EYA4: variants seen among roughly 807,000 people sequenced by gnomAD.
The protein encoded by EYA4 is EYA transcriptional coactivator and phosphatase 4, also known as protein phosphatase EYA4.
A neutral mutation model predicts 87.9 loss-of-function variants in EYA4; 31 were observed. That is an observed-to-expected ratio of 0.35 (90% CI 0.27 to 0.48). The LOEUF (loss-of-function observed/expected upper bound fraction) is 0.48, where lower values mean the gene tolerates loss of function less well. Ranked by LOEUF, EYA4 falls within the 20% of genes least tolerant of loss-of-function variation. The pLI is 0.99. For synonymous variants in EYA4, 263 were observed against 270.6 expected, an observed-to-expected ratio of 0.97 and a Z score of 0.28; for missense variants, 678 against 761.4, an observed-to-expected ratio of 0.89 and a Z score of 1.29.
intron 1 of EYA4, among the ~76,000 whole-genome samples, chr6:133,268,180 G>T (rs937602194): frequency 6.6e-6 from 1 of 151,998 alleles, no homozygotes; most frequent in Non-Finnish European, 1.5e-5. Flanking sequence ...ATCATTTAGT[G>T]GGCATTTAAA....
chr6:133,289,514 T>C (rs1161733114), intron 2 of EYA4, among the ~76,000 whole-genome samples: 1 of 152,190 alleles, frequency 6.6e-6, no homozygotes, highest in Non-Finnish European at 1.5e-5. Context: ...CATTGAAAAT[T>C]TATTTTATTT....
intron 3 of EYA4, among the ~76,000 whole-genome samples, chr6:133,445,289 T>C (rs922806139): frequency 2.0e-5 from 3 of 152,208 alleles, no homozygotes; most frequent in Non-Finnish European, 4.4e-5. Context: ...TTATTTTTGC[T>C]TCAATAGGCT....
chr6:133,413,987 A>G (rs1261025807), intron 3 of EYA4, among the ~76,000 whole-genome samples: 1 of 152,120 alleles, frequency 6.6e-6, no homozygotes, highest in Admixed American at 6.5e-5. Flanking sequence ...TCCCTAGAAA[A>G]ATGTGTCTTC....
At chr6:133,377,347 A>G (rs1785778474) in intron 2 of EYA4, among the ~76,000 whole-genome samples, 2 of 151,948 alleles carry the variant, frequency 1.3e-5, no homozygotes, top group Admixed American at 1.3e-4. Flanking sequence ...TGCTTTTTAC[A>G]CTAACAGCAC....
chr6:133,264,612 G>T (rs773712667), intron 1 of EYA4, among the ~76,000 whole-genome samples: 2 of 152,328 alleles, frequency 1.3e-5, no homozygotes, highest in Non-Finnish European at 2.9e-5. Flanking sequence ...GAGCAAATGG[G>T]CAGGGAGTCA....
At chr6:133,345,386 G>A (rs1783116169) in intron 2 of EYA4, among the ~76,000 whole-genome samples, 1 of 152,108 alleles carries the variant, frequency 6.6e-6, no homozygotes, top group Non-Finnish European at 1.5e-5. Flanking sequence ...AGTATGCGTA[G>A]TAAGTATGAT....
chr6:133,507,013 GTTTAAA>G (rs3836969), intron 14 of EYA4, among the ~76,000 whole-genome samples: 18,050 of 151,950 alleles, frequency 0.12, 1,287 homozygotes, highest in Middle Eastern at 0.17. Flanking sequence ...CAGATGGCAT[GTTTAAA>G]TTTATTTTTT....
intron 1 of EYA4, among the ~76,000 whole-genome samples, chr6:133,256,689 C>A (rs1436739351): frequency 6.6e-6 from 1 of 152,020 alleles, no homozygotes; most frequent in Non-Finnish European, 1.5e-5. Flanking sequence ...GTTAATGCAT[C>A]AAAATCCAGA....
At chr6:133,498,062 A>G (rs1262010238) in intron 13 of EYA4, among the ~76,000 whole-genome samples, 1 of 152,228 alleles carries the variant, frequency 6.6e-6, no homozygotes, top group Non-Finnish European at 1.5e-5. Flanking sequence ...AAATACTTCT[A>G]ACATAGCATT....
chr6:133,356,971 A>G (rs1784098982), intron 2 of EYA4, among the ~76,000 whole-genome samples: 1 of 151,656 alleles, frequency 6.6e-6, no homozygotes, highest in Admixed American at 6.6e-5. Context: ...TTTATTTTCC[A>G]TTATAAAAGA....
In EYA4 at chr6:133,512,790, C is replaced by T. The variant is rs1350299672; in HGVS notation, c.1340+11C>T. 25 of 1,611,050 alleles carry T rather than the reference C, an allele frequency of 1.6e-5. No individual in the cohort carries two copies. The Admixed American group carries it at 4.2e-4, about 27-fold the overall frequency. ...TGGGCAGGACTTAAGGTAAGCTATG[C>T]CTTTCAGTATGCTGTTTCCTACAGA... is the stretch of plus-strand genomic sequence containing the variant. On this transcript the variant is annotated intron_variant, in intron 15 of 19. Coordinates refer to ENST00000355286, the MANE Select transcript of EYA4 (RefSeq NM_004100.5).
At chr6:133,292,436 C>T (rs1265542204) in intron 2 of EYA4, among the ~76,000 whole-genome samples, 2 of 152,082 alleles carry the variant, frequency 1.3e-5, no homozygotes, top group Non-Finnish European at 2.9e-5. Context: ...AATTCTTGAG[C>T]CCTTAATATC....
intron 2 of EYA4, among the ~76,000 whole-genome samples, chr6:133,306,154 G>T (rs550370680): frequency 1.3e-5 from 2 of 152,164 alleles, no homozygotes; most frequent in Non-Finnish European, 2.9e-5. Context: ...ATTGCATGAT[G>T]ATTAGTACAA....
chr6:133,259,138 A>G (rs1775586980), intron 1 of EYA4, among the ~76,000 whole-genome samples: 1 of 152,154 alleles, frequency 6.6e-6, no homozygotes, highest in African/African-American at 2.4e-5. Context: ...TTCCTAAGCA[A>G]TTATGCTTTT....
At chr6:133,344,059 C>T (rs892265696) in intron 2 of EYA4, among the ~76,000 whole-genome samples, 5 of 152,136 alleles carry the variant, frequency 3.3e-5, no homozygotes, top group East Asian at 1.9e-4. Context: ...TCTTGAGAAG[C>T]GAGAACAGGA....
intron 13 of EYA4, among the ~76,000 whole-genome samples, chr6:133,505,746 A>G (rs1798547824): frequency 2.0e-5 from 3 of 152,130 alleles, no homozygotes; most frequent in South Asian, 4.1e-4. Flanking sequence ...AGTTTGCTCC[A>G]TTCTTCAGCA....
rs2128831939 is a variant in EYA4 at position 133,531,492 on chromosome 6, C to G, written c.*2687C>G. 2.2e-6 allele frequency: 1 copy of G among 459,964 alleles called. No individual in the cohort carries two copies. Among genetic ancestry groups the G allele is most frequent in the African/African-American group, 2.0e-5 (1 of 50,980 alleles). The allele number at this position is 459,964 out of a possible 1,614,324, so 28.5% of individuals were successfully genotyped here. A position where few individuals can be genotyped will look rare whatever the true frequency, so the allele number is the denominator to read the frequency against. ...ATTGTAAACCAGTTTGAAAAATGTT[C>G]TGTAACTAAAGTGGGTTTTCGGCTA... is the stretch of plus-strand genomic sequence containing the variant. On this transcript the variant is annotated 3_prime_UTR_variant, in exon 20 of 20. Transcript: ENST00000355286.
At chr6:133,269,357 A>G (rs1337272826) in intron 1 of EYA4, among the ~76,000 whole-genome samples, 1 of 152,114 alleles carries the variant, frequency 6.6e-6, no homozygotes, top group Non-Finnish European at 1.5e-5. Flanking sequence ...TTCCCTTTTC[A>G]TATGCAGTTT....
At chr6:133,432,608 G>C (rs1791287706) in intron 3 of EYA4, among the ~76,000 whole-genome samples, 1 of 151,704 alleles carries the variant, frequency 6.6e-6, no homozygotes. Context: ...TTCAACCATT[G>C]CTTGCTATGG....
Sources: gnomAD v4.1 joint callset for allele counts (sites outside exome capture counted in the v4.1 genomes callset) on GRCh38, gnomAD v4.1.1 for gene constraint, MANE v1.5 for transcripts, NCBI Gene and HGNC (gene_info 2026-07-23, HGNC 2026-07-21) for gene names.